Variants in PRUNE2 observed in about 807,000 individuals in gnomAD.
The protein encoded by PRUNE2 is prune homolog 2 with BCH domain.
A neutral mutation model predicts 252.0 loss-of-function variants in PRUNE2; 164 were observed. That is an observed-to-expected ratio of 0.65 (90% CI 0.57 to 0.74). The LOEUF is 0.74. PRUNE2 is among the 30% of genes least tolerant of loss of function. The probability of loss-of-function intolerance (pLI) is 0.00; values close to 1 mark genes in which losing one functional copy is unlikely to be tolerated. For missense variants in PRUNE2, 3,495 were observed against 3,711.0 expected, an observed-to-expected ratio of 0.94 and a Z score of 1.51; for synonymous variants, 1,292 against 1,350.2, an observed-to-expected ratio of 0.96 and a Z score of 0.94.
At position 76,708,163 on chromosome 9, in the gene PRUNE2, A is replaced by T. The variant is rs748368926; in HGVS notation, c.4111T>A (p.Ser1371Thr). Residue 1371 changes from serine (S) to threonine (T), a missense_variant, in exon 8 of 19, where the codon TCT becomes ACT. By Grantham distance (58) the Ser-to-Thr change is moderately conservative. Coordinates refer to ENST00000376718, the MANE Select transcript of PRUNE2 (RefSeq NM_015225.3). ...SDQELSSLVA[S>T]EHQEICIKSG... is the part of the protein sequence containing the mutation. ...TTAATGCAGATTTCCTGATGTTCAG[A>T]TGCAACCAGAGAAGACAGTTCCTGG... 2.5e-6 allele frequency: 4 copies of T among 1,613,992 alleles called. No homozygotes were observed. In the South Asian group the frequency reaches 4.4e-5, roughly 18 times the overall value.
At chr9:76,814,661 C>A (rs2057568194) in intron 6 of PRUNE2, among the ~76,000 whole-genome samples, 1 of 152,074 alleles carries the variant, frequency 6.6e-6, no homozygotes, top group Admixed American at 6.5e-5. Flanking sequence ...CCCAGGAATC[C>A]AAGGTTGGGG....
At position 76,859,820 on chromosome 9, in the gene PRUNE2, A is replaced by G. The variant is rs527763345; in HGVS notation, c.37-5612T>C. On this transcript the variant is annotated intron_variant, in intron 1 of 18. Coordinates refer to ENST00000376718, the MANE Select transcript of PRUNE2 (RefSeq NM_015225.3). ...CGGGTTCAAGCAATTCTCCTGCCTCAGTTTCCCAAGTAGCTGGGATTACAA... is the reference window on the plus strand; with the variant it reads ...CGGGTTCAAGCAATTCTCCTGCCTCGGTTTCCCAAGTAGCTGGGATTACAA... Among the ~76,000 whole-genome samples, 3 of 152,220 alleles carry G rather than the reference A, an allele frequency of 2.0e-5. No homozygotes were observed. The East Asian group carries it at 5.8e-4, about 29-fold the overall frequency.
chr9:76,815,442 T>C (rs2057625415), intron 6 of PRUNE2, among the ~76,000 whole-genome samples: 2 of 152,200 alleles, frequency 1.3e-5, no homozygotes, highest in African/African-American at 4.8e-5. Flanking sequence ...TCCTCATAAA[T>C]GGCACCTTCT....
Position 76,715,913 on chromosome 9 carries a change from C to T in PRUNE2, c.757-2192G>A, listed in dbSNP as rs560391357. Among the ~76,000 whole-genome samples the T allele has an allele frequency of 1.8e-4, 28 of 152,232 alleles. 1 individual carries two copies. The South Asian group carries it at 5.8e-3, about 32-fold the overall frequency. On this transcript the variant is annotated intron_variant, in intron 6 of 18. Transcript: ENST00000376718. ...AAAAATAAAAAGAGACTACAACTAA[C>T]TACAACTTATTTCCAGTAACTGAAG...
At chr9:76,853,963 T>C (rs1444687687) in intron 2 of PRUNE2, 141 bp downstream of exon 2, 4 of 468,328 alleles carry the variant, frequency 8.5e-6, no homozygotes, top group Non-Finnish European at 1.5e-5. Flanking sequence ...GATTCATGGA[T>C]GATAATACTT....
chr9:76,750,958 T>A (rs1391501333), intron 6 of PRUNE2, among the ~76,000 whole-genome samples: 1 of 152,158 alleles, frequency 6.6e-6, no homozygotes, highest in Non-Finnish European at 1.5e-5. Flanking sequence ...TTCACTGTTA[T>A]TTATTGAACC....
intron 12 of PRUNE2, chr9:76,641,923 C>T: frequency 1.3e-6 from 2 of 1,523,986 alleles, no homozygotes; most frequent in East Asian, 2.5e-5. Flanking sequence ...AACTCTTCTC[C>T]TCATTCTTTC....
intron 11 of PRUNE2, chr9:76,651,964 G>C (rs1038345704): frequency 6.6e-6 from 1 of 152,382 alleles, no homozygotes; most frequent in Admixed American, 6.5e-5. Flanking sequence ...TAGGTGGTGG[G>C]AGTCGGGAAG....
chr9:76,856,209 G>A (rs899260626), intron 1 of PRUNE2, among the ~76,000 whole-genome samples: 4 of 152,162 alleles, frequency 2.6e-5, no homozygotes, highest in Admixed American at 1.3e-4. Context: ...ACAGTGCAGT[G>A]AGCCCCATCT....
intron 10 of PRUNE2, among the ~76,000 whole-genome samples, chr9:76,653,511 G>A (rs140764033): frequency 1.3e-5 from 2 of 152,186 alleles, no homozygotes; most frequent in South Asian, 2.1e-4. Flanking sequence ...GTACAGATGC[G>A]ATTTTTTTTT....
chr9:76,828,035 A>G (rs1376051890), intron 4 of PRUNE2, among the ~76,000 whole-genome samples: 2 of 152,202 alleles, frequency 1.3e-5, no homozygotes, highest in Middle Eastern at 3.2e-3. Context: ...TGCCTCTTGA[A>G]GCTCACGGGA....
rs1462044472 is a variant in PRUNE2 at position 76,707,608 on chromosome 9, C to T, written c.4666G>A (p.Ala1556Thr). Residue 1556 changes from alanine (A) to threonine (T), a missense_variant, in exon 8 of 19, where the codon GCA becomes ACA. Coordinates refer to ENST00000376718, the MANE Select transcript of PRUNE2 (RefSeq NM_015225.3). ...GGTTGCTGGCCCCAGGAGGACAGTGCAACTGAAGAGTCATTTAACTCAGGA... is the reference window on the plus strand; with the variant it reads ...GGTTGCTGGCCCCAGGAGGACAGTGTAACTGAAGAGTCATTTAACTCAGGA... ...SSPELNDSSVALSSWGQQPSS... is the reference protein window; with the variant it reads ...SSPELNDSSVTLSSWGQQPSS... 1 of 1,613,920 alleles carries T rather than the reference C, an allele frequency of 6.2e-7. No homozygotes were observed. Among genetic ancestry groups the T allele is most frequent in the Non-Finnish European group, 8.5e-7 (1 of 1,179,876 alleles).
intron 6 of PRUNE2, among the ~76,000 whole-genome samples, chr9:76,795,136 G>C (rs73653212): frequency 6.6e-6 from 1 of 152,214 alleles, no homozygotes; most frequent in Non-Finnish European, 1.5e-5. Context: ...CGGATGCTGA[G>C]AGGAAGCTTT....
At chr9:76,865,280 G>A (rs2060770548) in intron 1 of PRUNE2, among the ~76,000 whole-genome samples, 2 of 152,158 alleles carry the variant, frequency 1.3e-5, no homozygotes, top group Admixed American at 6.5e-5. Flanking sequence ...ACTGCTTGAG[G>A]TCAGGAGTTC....
intron 1 of PRUNE2, among the ~76,000 whole-genome samples, chr9:76,867,432 T>C (rs2132974953): frequency 6.6e-6 from 1 of 152,230 alleles, no homozygotes; most frequent in Non-Finnish European, 1.5e-5. Context: ...TTGTTCTCAG[T>C]GGAGCTAGAA....
chr9:76,844,283 T>C (rs938669938), intron 4 of PRUNE2, among the ~76,000 whole-genome samples: 1 of 152,162 alleles, frequency 6.6e-6, no homozygotes, highest in African/African-American at 2.4e-5. Flanking sequence ...CCCTCATGAA[T>C]GGCTTGGTAC....
chr9:76,821,395 A>G (rs952407396), intron 6 of PRUNE2, among the ~76,000 whole-genome samples: 1 of 152,358 alleles, frequency 6.6e-6, no homozygotes, highest in East Asian at 1.9e-4. Flanking sequence ...ATAATCAAAT[A>G]TGAGTAGGGA....
chr9:76,742,640 G>A (rs1377607195), intron 6 of PRUNE2, among the ~76,000 whole-genome samples: 1 of 150,972 alleles, frequency 6.6e-6, no homozygotes, highest in Admixed American at 6.6e-5. Flanking sequence ...AGAAAGAAAA[G>A]AAAAAGAACA....
intron 9 of PRUNE2, among the ~76,000 whole-genome samples, chr9:76,699,001 T>C (rs2045642588): frequency 1.3e-5 from 2 of 151,436 alleles, no homozygotes; most frequent in South Asian, 2.1e-4. Context: ...CAAAAGTACA[T>C]GACACAACGA....
Sources: allele counts gnomAD v4.1 joint callset (sites outside exome capture counted in the v4.1 genomes callset), GRCh38; gene constraint gnomAD v4.1.1; transcripts MANE v1.5; gene names NCBI Gene and HGNC (gene_info 2026-07-23, HGNC 2026-07-21).